Variants in PARL observed in about 807,000 individuals in gnomAD.
PARL encodes the protein presenilin-associated rhomboid-like protein, mitochondrial.
PARL carries 44 observed loss-of-function variants against 51.6 expected under a neutral mutation model. That is an observed-to-expected ratio of 0.85 (90% CI 0.67 to 1.10). PARL has a LOEUF of 1.10. PARL is among the 50% of genes least tolerant of loss of function. The probability of loss-of-function intolerance (pLI) is 0.00; values close to 1 mark genes in which losing one functional copy is unlikely to be tolerated. For missense variants in PARL, 441 were observed against 469.5 expected, an observed-to-expected ratio of 0.94 and a Z score of 0.56; for synonymous variants, 172 against 164.0, an observed-to-expected ratio of 1.05 and a Z score of -0.37.
At chr3:183,881,267 C>G (rs1031561704) in intron 1 of PARL, among the ~76,000 whole-genome samples, 1 of 151,656 alleles carries the variant, frequency 6.6e-6, no homozygotes, top group Non-Finnish European at 1.5e-5. Flanking sequence ...GATTACAGGC[C>G]CCTGCCACCG....
At chr3:183,875,415 C>CAAAAA (rs61316689) in intron 1 of PARL, among the ~76,000 whole-genome samples, 5 of 60,118 alleles carry the variant, frequency 8.3e-5, no homozygotes, top group African/African-American at 2.1e-4. Flanking sequence ...ACTCTGTCTC[C>CAAAAA]AAAAAAAAAA....
intron 1 of PARL, among the ~76,000 whole-genome samples, chr3:183,868,492 C>A (rs939921122): frequency 5.3e-5 from 8 of 152,222 alleles, no homozygotes; most frequent in African/African-American, 1.2e-4. Flanking sequence ...CTCACTGCAG[C>A]CTCCACGTCT....
At chr3:183,882,253 A>ATATATATATATATATT (rs1734595154) in intron 1 of PARL, among the ~76,000 whole-genome samples, 1 of 53,386 alleles carries the variant, frequency 1.9e-5, no homozygotes, top group Non-Finnish European at 4.1e-5. Context: ...ATTTATATAT[A>ATATATATATATATATT]TATATATATA....
intron 2 of PARL, 110 bp from the exon 3 acceptor site, chr3:183,866,875 G>A: frequency 3.7e-6 from 3 of 810,060 alleles, no homozygotes; most frequent in Non-Finnish European, 6.1e-6. Context: ...CCAACAGAAG[G>A]GAATACTTGG....
intron 5 of PARL, chr3:183,843,295 A>C: frequency 1.0e-6 from 1 of 985,378 alleles, no homozygotes; most frequent in Non-Finnish European, 1.2e-6. Flanking sequence ...TCCTTATGGC[A>C]AAAGTTGATT....
chr3:183,873,158 T>G (rs1018656441), intron 1 of PARL, among the ~76,000 whole-genome samples: 2 of 152,186 alleles, frequency 1.3e-5, no homozygotes, highest in African/African-American at 4.8e-5. Flanking sequence ...AATGCCACTT[T>G]GGGCCAAAAC....
intron 4 of PARL, among the ~76,000 whole-genome samples, chr3:183,859,766 C>T (rs1033332515): frequency 6.6e-6 from 1 of 152,136 alleles, no homozygotes; most frequent in Non-Finnish European, 1.5e-5. Context: ...ATTTGAGATA[C>T]CCCTCATTCT....
chr3:183,836,170 T>G (rs1351679002), intron 7 of PARL, among the ~76,000 whole-genome samples: 2 of 131,886 alleles, frequency 1.5e-5, no homozygotes, highest in Admixed American at 1.8e-4. Context: ...CGAGCCGAGA[T>G]CGCACCTTTG....
At chr3:183,882,805 A>G (rs1734718196) in intron 1 of PARL, among the ~76,000 whole-genome samples, 1 of 152,180 alleles carries the variant, frequency 6.6e-6, no homozygotes. Flanking sequence ...ATCACCACCT[A>G]GAGTGCTTGT....
chr3:183,833,641 CA>C (rs1446599497), intron 8 of PARL, 52 bp from the exon 9 acceptor site: 1 of 1,491,706 alleles, frequency 6.7e-7, no homozygotes, highest in East Asian at 2.3e-5. Flanking sequence ...CCAGCACTGA[CA>C]TTTCTAACTT....
At chr3:183,857,245 CTCA>C (rs1731277161) in intron 4 of PARL, among the ~76,000 whole-genome samples, 1 of 152,064 alleles carries the variant, frequency 6.6e-6, no homozygotes, top group Non-Finnish European at 1.5e-5. Context: ...GAGACGCTGT[CTCA>C]AAACAAACCA....
chr3:183,875,003 T>C (rs1004091380), intron 1 of PARL, among the ~76,000 whole-genome samples: 5 of 152,150 alleles, frequency 3.3e-5, no homozygotes, highest in Non-Finnish European at 7.4e-5. Flanking sequence ...GCCCAGGAGG[T>C]CAAGGTTGCA....
intron 7 of PARL, among the ~76,000 whole-genome samples, chr3:183,838,166 C>T (rs963962996): frequency 7.3e-5 from 11 of 151,296 alleles, no homozygotes; most frequent in African/African-American, 2.2e-4. Flanking sequence ...GGTAGGATTA[C>T]AGGTGCATGC....
intron 5 of PARL, among the ~76,000 whole-genome samples, chr3:183,842,890 A>C (rs1229913185): frequency 1.6e-5 from 2 of 121,378 alleles, no homozygotes; most frequent in African/African-American, 6.4e-5. Flanking sequence ...TTTTTTTTGG[A>C]GAGAGTCTTG....
intron 4 of PARL, among the ~76,000 whole-genome samples, chr3:183,855,356 G>C (rs964637234): frequency 6.6e-6 from 1 of 152,134 alleles, no homozygotes; most frequent in African/African-American, 2.4e-5. Flanking sequence ...GGCTGGTCTA[G>C]ACTCAAGCAA....
chr3:183,883,730 C>A, intron 1 of PARL: 4 of 981,812 alleles, frequency 4.1e-6, no homozygotes, highest in Non-Finnish European at 4.8e-6. Flanking sequence ...TTTCACAAGT[C>A]CCTGATAAAA....
intron 4 of PARL, among the ~76,000 whole-genome samples, chr3:183,853,325 G>A (rs1465550687): frequency 6.6e-6 from 1 of 152,198 alleles, no homozygotes; most frequent in Non-Finnish European, 1.5e-5. Flanking sequence ...CACTTTGGGA[G>A]GCTGAGGTAG....
At position 183,840,500 on chromosome 3, in the gene PARL, C is replaced by G. The variant is rs1283347181; in HGVS notation, c.828+70G>C. The G allele has an allele frequency of 1.1e-5, 8 of 751,832 alleles. No homozygotes were observed. In the East Asian group the frequency reaches 1.9e-4, roughly 18 times the overall value. 46.6% of individuals were successfully genotyped at this position (751,832 alleles called of 1,614,324 possible). On this transcript the variant is annotated intron_variant, in intron 7 of 9. Coordinates refer to ENST00000317096, the MANE Select transcript of PARL (RefSeq NM_018622.7). The stretch of plus-strand genomic sequence containing the variant: ...CTCTTATCAATTTTACAACATTCTT[C>G]TAAGTCTAAACTTATTTCAAAGTAA...
At chr3:183,867,426 C>T (rs752690480) in intron 2 of PARL, among the ~76,000 whole-genome samples, 31 of 151,978 alleles carry the variant, frequency 2.0e-4, no homozygotes, top group African/African-American at 7.0e-4. Flanking sequence ...CTAGGCCGGG[C>T]GCAGTGGCTC....
Sources: gnomAD v4.1 joint callset for allele counts (sites outside exome capture counted in the v4.1 genomes callset) on GRCh38, gnomAD v4.1.1 for gene constraint, MANE v1.5 for transcripts, NCBI Gene and HGNC (gene_info 2026-07-23, HGNC 2026-07-21) for gene names.